The following SPAST variants were observed in gnomAD, a reference collection of about 807,000 sequenced individuals.
SPAST encodes spastin.
SPAST carries 30 observed loss-of-function variants against 76.6 expected under a neutral mutation model. The ratio of observed to expected loss-of-function variants is 0.39; its 90% CI spans 0.29 to 0.53. The LOEUF (loss-of-function observed/expected upper bound fraction) is 0.53. Ranked by LOEUF, SPAST falls within the 20% of genes least tolerant of loss-of-function variation. The pLI is 0.68. For missense variants in SPAST, 717 were observed against 770.5 expected, an observed-to-expected ratio of 0.93 and a Z score of 0.82; for synonymous variants, 305 against 281.0, an observed-to-expected ratio of 1.09 and a Z score of -0.86.
At position 32,096,516 on chromosome 2, in the gene SPAST, G is replaced by GA. The variant is rs896902408; in HGVS notation, c.587-2270dup. On this transcript the variant is annotated intron_variant, in intron 3 of 16. Transcript: ENST00000315285. Reference sequence around the variant, plus strand: ...TATGTGTCTATGACTCCTCCTCCAAGAAAAAAAAAATGAATTGGAGCAGGT... The same window carrying GA: ...TATGTGTCTATGACTCCTCCTCCAAGAAAAAAAAAAATGAATTGGAGCAGGT... Among the ~76,000 whole-genome samples, 353 of 148,194 alleles carry GA rather than the reference G, an allele frequency of 2.4e-3. 1 individual carries two copies. Among genetic ancestry groups the GA allele is most frequent in the African/African-American group, 7.8e-3 (317 of 40,514 alleles).
chr2:32,124,491 C>T (rs1035515469), intron 7 of SPAST, among the ~76,000 whole-genome samples: 6 of 149,438 alleles, frequency 4.0e-5, no homozygotes, highest in African/African-American at 1.5e-4. Context: ...GACAGTTTGA[C>T]AGTTTCTTAC....
chr2:32,091,348 T>C (rs1217757718), intron 3 of SPAST, among the ~76,000 whole-genome samples: 1 of 149,730 alleles, frequency 6.7e-6, no homozygotes, highest in Non-Finnish European at 1.5e-5. Flanking sequence ...TGGTGCAATC[T>C]CGGCTCAATG....
intron 7 of SPAST, chr2:32,126,469 CTTTTTTTTTTTTTT>C (rs70938323): frequency 1.0e-4 from 4 of 38,692 alleles, no homozygotes; most frequent in African/African-American, 2.9e-4. Context: ...GGTTTTATTT[CTTTTTTTTTTTTTT>C]TTTTTTTTTT....
At chr2:32,128,099 A>G (rs1246739896) in intron 8 of SPAST, 1 of 344,372 alleles carries the variant, frequency 2.9e-6, no homozygotes, top group South Asian at 2.6e-5. Flanking sequence ...GGTTCAAGCA[A>G]TTCTGCCACG....
intron 15 of SPAST, among the ~76,000 whole-genome samples, chr2:32,145,237 A>T (rs993592429): frequency 2.0e-5 from 3 of 152,122 alleles, no homozygotes; most frequent in Admixed American, 1.3e-4. Context: ...GACTACAGGC[A>T]TGCACCATCA....
Position 32,154,507 on chromosome 2 carries a change from T to C in SPAST, c.*11T>C, listed in dbSNP as rs753913367. 4.5e-5 allele frequency: 73 copies of C among 1,613,208 alleles called. No homozygotes were observed. The highest frequency in any genetic ancestry group is 6.2e-5 in the Non-Finnish European group (73 of 1,179,380). On this transcript the variant is annotated 3_prime_UTR_variant, in exon 17 of 17. Transcript: ENST00000315285. Reference sequence around the variant, plus strand: ...GATACCACTGTTTAAGGAAATACCTTTGTAAACCTGCAGAACATTTTACTT... The same window carrying C: ...GATACCACTGTTTAAGGAAATACCTCTGTAAACCTGCAGAACATTTTACTT...
At chr2:32,126,910 T>C (rs1445028568) in intron 7 of SPAST, 38 bp from the exon 8 acceptor site, 46 of 1,414,158 alleles carry the variant, frequency 3.3e-5, no homozygotes, top group Non-Finnish European at 4.4e-5. Flanking sequence ...AAAATGTCTC[T>C]AGAATCATAG....
chr2:32,149,357 C>G (rs1573178283), intron 16 of SPAST, among the ~76,000 whole-genome samples: 1 of 151,714 alleles, frequency 6.6e-6, no homozygotes, highest in Non-Finnish European at 1.5e-5. Flanking sequence ...CTCGGCCTCC[C>G]TAAGTGCAAG....
intron 1 of SPAST, among the ~76,000 whole-genome samples, chr2:32,084,284 C>T (rs1040968928): frequency 7.2e-5 from 11 of 151,764 alleles, no homozygotes; most frequent in South Asian, 4.2e-4. Flanking sequence ...CCTCAGCCTC[C>T]GGAGTAGCTG....
intron 12 of SPAST, among the ~76,000 whole-genome samples, chr2:32,139,402 A>G (rs930072244): frequency 2.0e-5 from 3 of 152,236 alleles, no homozygotes. Context: ...ACTAGAACTG[A>G]TAAATGATTT....
At chr2:32,153,363 C>T (rs1487609746) in intron 16 of SPAST, among the ~76,000 whole-genome samples, 2 of 148,568 alleles carry the variant, frequency 1.3e-5, no homozygotes, top group Non-Finnish European at 3.0e-5. Context: ...TCACTCATTG[C>T]CCAAGCTGGA....
chr2:32,128,315 G>A (rs773400179), intron 8 of SPAST, 93 bp from the exon 9 acceptor site: 7 of 964,426 alleles, frequency 7.3e-6, no homozygotes, highest in Non-Finnish European at 1.1e-5. Flanking sequence ...CATTTTTAGA[G>A]AATCTTTTCT....
intron 1 of SPAST, among the ~76,000 whole-genome samples, chr2:32,069,599 C>G (rs906346444): frequency 6.6e-6 from 1 of 151,184 alleles, no homozygotes; most frequent in Non-Finnish European, 1.5e-5. Context: ...CTCTGTCACC[C>G]AGGCTGGAGT....
At position 32,155,402 on chromosome 2, in the gene SPAST, A is replaced by G. The variant is rs191750539; in HGVS notation, c.*906A>G. 6.5e-6 allele frequency: 1 copy of G among 152,720 alleles called. No homozygotes were observed. The highest frequency in any genetic ancestry group is 6.5e-5 in the Admixed American group (1 of 15,292). 9.5% of individuals were successfully genotyped at this position (152,720 alleles called of 1,614,324 possible). ...GTGAAAATGTTTCCAGTGCAAGAGA[A>G]GGGAAATACTAGGAACTAAGACATT... On this transcript the variant is annotated 3_prime_UTR_variant, in exon 17 of 17. Transcript: ENST00000315285.
chr2:32,151,628 G>C lies in SPAST; in HGVS notation c.1729-2746G>C, dbSNP rs1442510261. Reference sequence around the variant, plus strand: ...AATTTAGGTAAGGAAAACCCAACTTGGTCGCACACAGTGGCTCACGCCTGT... The same window carrying C: ...AATTTAGGTAAGGAAAACCCAACTTCGTCGCACACAGTGGCTCACGCCTGT... On this transcript the variant is annotated intron_variant, in intron 16 of 16. Transcript: ENST00000315285. Among the ~76,000 whole-genome samples the C allele has an allele frequency of 2.6e-5, 4 of 152,062 alleles. No individual in the cohort carries two copies. The South Asian group carries it at 6.2e-4, about 24-fold the overall frequency.
At chr2:32,152,328 G>C (rs1489347102) in intron 16 of SPAST, among the ~76,000 whole-genome samples, 1 of 152,158 alleles carries the variant, frequency 6.6e-6, no homozygotes, top group African/African-American at 2.4e-5. Flanking sequence ...AGCACTTTGG[G>C]AGGCTCAGGC....
intron 9 of SPAST, among the ~76,000 whole-genome samples, chr2:32,135,118 TTGTGTGTGTGTGTGTG>T: frequency 6.8e-6 from 1 of 147,484 alleles, no homozygotes; most frequent in South Asian, 2.2e-4. Flanking sequence ...TCTGATAATT[TTGTGTGTGTGTGTGTG>T]TGTGTGTGTG....
intron 1 of SPAST, among the ~76,000 whole-genome samples, chr2:32,073,099 C>T (rs1489661688): frequency 7.2e-5 from 11 of 152,068 alleles, no homozygotes; most frequent in Non-Finnish European, 1.5e-5. Context: ...TGTATTTTTC[C>T]TCATGTTGAA....
intron 4 of SPAST, among the ~76,000 whole-genome samples, chr2:32,104,887 T>G (rs1323834025): frequency 6.6e-6 from 1 of 152,196 alleles, no homozygotes; most frequent in Non-Finnish European, 1.5e-5. Context: ...CCTTAACATT[T>G]TTTCCTACAT....
Sources: allele counts gnomAD v4.1 joint callset (sites outside exome capture counted in the v4.1 genomes callset), GRCh38; gene constraint gnomAD v4.1.1; transcripts MANE v1.5; gene names NCBI Gene and HGNC (gene_info 2026-07-23, HGNC 2026-07-21).